The following CCDC7 variants were observed in gnomAD, a reference collection of about 807,000 sequenced individuals.
CCDC7 encodes the protein coiled-coil domain containing 7, also known as coiled-coil domain-containing protein 7.
Under a neutral mutation model 196.9 loss-of-function variants are expected in CCDC7, and 183 were observed. The observed-to-expected ratio is 0.93, with a 90% CI of 0.82 to 1.05. CCDC7 has a LOEUF of 1.05. CCDC7 is among the 50% of genes least tolerant of loss of function. CCDC7 has a pLI of 0.00. For missense variants in CCDC7, 1,540 were observed against 1,482.2 expected (o/e 1.04, Z -0.64); for synonymous variants, 525 against 484.6 (o/e 1.08, Z -1.10).
chr10:32,759,843 C>G (rs1193843494), intron 28 of CCDC7, among the ~76,000 whole-genome samples: 3 of 152,146 alleles, frequency 2.0e-5, no homozygotes, highest in South Asian at 4.1e-4. Flanking sequence ...GCAACCTACT[C>G]TTCTGACAAA....
intron 41 of CCDC7, among the ~76,000 whole-genome samples, chr10:32,871,467 T>A (rs1217962679): frequency 6.6e-6 from 1 of 151,390 alleles, no homozygotes; most frequent in South Asian, 2.1e-4. Context: ...CATTTTTTAT[T>A]GCGTCTATTT....
At chr10:32,716,751 G>GTC (rs1214890671) in intron 25 of CCDC7, among the ~76,000 whole-genome samples, 4 of 152,160 alleles carry the variant, frequency 2.6e-5, no homozygotes, top group Admixed American at 2.6e-4. Flanking sequence ...TGCAATCCTA[G>GTC]TCTCTAATAA....
chr10:32,486,984 C>T (rs182101267), intron 8 of CCDC7, among the ~76,000 whole-genome samples: 2 of 152,080 alleles, frequency 1.3e-5, no homozygotes, highest in African/African-American at 4.8e-5. Flanking sequence ...AGTTGCTGTT[C>T]TCGAGGAATG....
chr10:32,857,530 A>G (rs2093800287), intron 41 of CCDC7, among the ~76,000 whole-genome samples: 1 of 152,264 alleles, frequency 6.6e-6, no homozygotes, highest in East Asian at 1.9e-4. Context: ...TGAACAACCA[A>G]CCAGTAGGTG....
At chr10:32,565,689 T>C (rs1247829094) in intron 14 of CCDC7, 69 bp downstream of exon 15, 14 of 1,521,944 alleles carry the variant, frequency 9.2e-6, no homozygotes, top group Admixed American at 1.9e-5. Flanking sequence ...ACTTTTCAAA[T>C]GAATAATTTT....
chr10:32,689,154 A>G (rs2076788614), exon 23 of CCDC7: 1 of 1,549,188 alleles, frequency 6.5e-7, no homozygotes, highest in Non-Finnish European at 8.9e-7. Flanking sequence ...CAAAGGGCAA[A>G]GAATTATTAG....
chr10:32,830,143 C>CATATATATGGATATATATATATATATATA (rs2091996967), intron 32 of CCDC7, among the ~76,000 whole-genome samples: 2 of 22,416 alleles, frequency 8.9e-5, no homozygotes, highest in South Asian at 2.0e-3. Context: ...TATATATATC[C>CATATATATGGATATATATATATATATATA]TATTAGTTCT....
chr10:32,465,157 A>C (rs534267021), intron 5 of CCDC7, among the ~76,000 whole-genome samples: 2 of 152,178 alleles, frequency 1.3e-5, no homozygotes, highest in African/African-American at 4.8e-5. Context: ...CACCTAGTGA[A>C]AAGATTAATC....
At chr10:32,507,416 CA>C (rs1564494294) in intron 9 of CCDC7, among the ~76,000 whole-genome samples, 1 of 152,060 alleles carries the variant, frequency 6.6e-6, no homozygotes, top group Non-Finnish European at 1.5e-5. Flanking sequence ...CTTAAATATA[CA>C]TTCAAAGTAA....
chr10:32,623,879 C>G (rs2063685245), intron 18 of CCDC7: 1 of 433,104 alleles, frequency 2.3e-6, no homozygotes, highest in South Asian at 1.7e-5. Context: ...CCAGATTTCG[C>G]CTGAACTGAG....
intron 25 of CCDC7, among the ~76,000 whole-genome samples, chr10:32,724,698 A>G (rs2082870440): frequency 6.6e-6 from 1 of 152,142 alleles, no homozygotes; most frequent in Admixed American, 6.6e-5. Flanking sequence ...AAGGCTCCCC[A>G]GCAAGGTCAT....
At chr10:32,674,527 C>T (rs2074596834) in intron 21 of CCDC7, among the ~76,000 whole-genome samples, 1 of 151,912 alleles carries the variant, frequency 6.6e-6, no homozygotes, top group Non-Finnish European at 1.5e-5. Flanking sequence ...CTGTAAATAT[C>T]TCAGTGTGTA....
chr10:32,833,910 C>A (rs1481114586), intron 32 of CCDC7, among the ~76,000 whole-genome samples: 5 of 152,144 alleles, frequency 3.3e-5, no homozygotes, highest in Admixed American at 6.6e-5. Flanking sequence ...TTTCACACTA[C>A]AGTCACATGC....
chr10:32,602,813 A>G (rs2061197732), intron 18 of CCDC7, among the ~76,000 whole-genome samples: 1 of 152,092 alleles, frequency 6.6e-6, no homozygotes, highest in Admixed American at 6.6e-5. Flanking sequence ...TTCTTTTTTT[A>G]GCTTGTAAAT....
chr10:32,523,372 C>A (rs1227746622), intron 11 of CCDC7, among the ~76,000 whole-genome samples: 1 of 151,924 alleles, frequency 6.6e-6, no homozygotes, highest in Admixed American at 6.6e-5. Flanking sequence ...ACGGTGAAAC[C>A]CTGTCTCTAC....
At chr10:32,453,693 A>T (rs2033670786) in intron 2 of CCDC7, among the ~76,000 whole-genome samples, 1 of 152,198 alleles carries the variant, frequency 6.6e-6, no homozygotes, top group Non-Finnish European at 1.5e-5. Context: ...AAGATAGAGA[A>T]TAATCACATT....
At chr10:32,733,381 G>A (rs1161230732) in intron 28 of CCDC7, among the ~76,000 whole-genome samples, 2 of 151,962 alleles carry the variant, frequency 1.3e-5, no homozygotes, top group African/African-American at 2.4e-5. Context: ...CATCTTTTTT[G>A]TAGCTCAGAA....
intron 20 of CCDC7, among the ~76,000 whole-genome samples, chr10:32,660,013 A>G (rs1208378377): frequency 3.3e-5 from 5 of 152,162 alleles, no homozygotes; most frequent in Non-Finnish European, 5.9e-5. Context: ...TCCTATAAAG[A>G]CGTGTGCACA....
Position 32,733,257 on chromosome 10 carries a change from G to A in CCDC7, c.2905+3800G>A, listed in dbSNP as rs568284029. 5.3e-5 allele frequency among the ~76,000 whole-genome samples: 8 copies of A among 152,046 alleles called. No homozygotes were observed. In the South Asian group the frequency reaches 1.5e-3, roughly 28 times the overall value. The stretch of plus-strand genomic sequence containing the variant: ...GTCTATAACTCACTGTCTCAACAAC[G>A]TGGCAGTTGGTTATATTATTTCAAA... On this transcript the variant is annotated intron_variant, in intron 28 of 41. Coordinates refer to ENST00000639629, the Ensembl canonical transcript of CCDC7.
Sources: allele counts gnomAD v4.1 joint callset (sites outside exome capture counted in the v4.1 genomes callset), GRCh38; gene constraint gnomAD v4.1.1; transcripts MANE v1.5; gene names NCBI Gene and HGNC (gene_info 2026-07-23, HGNC 2026-07-21).